CDH4: variants seen among roughly 807,000 people sequenced by gnomAD.
CDH4 encodes the protein cadherin 4.
In CDH4, 33 loss-of-function variants were observed where a neutral mutation model predicts 86.0. That is an observed-to-expected ratio of 0.38 (90% CI 0.29 to 0.51). The LOEUF is 0.51. CDH4 is among the 20% of genes least tolerant of loss of function. CDH4 has a pLI of 0.86. For missense variants in CDH4, 1,114 were observed against 1,307.4 expected, an observed-to-expected ratio of 0.85 and a Z score of 2.28; for synonymous variants, 555 against 549.4, an observed-to-expected ratio of 1.01 and a Z score of -0.14.
chr20:61,386,978 G>A (rs897600288), intron 2 of CDH4, among the ~76,000 whole-genome samples: 21 of 152,234 alleles, frequency 1.4e-4, no homozygotes, highest in African/African-American at 1.9e-4. Context: ...AGGAACTCCC[G>A]CGAGTTCTGT....
At chr20:61,308,305 C>T (rs1366020657) in intron 2 of CDH4, among the ~76,000 whole-genome samples, 6 of 152,182 alleles carry the variant, frequency 3.9e-5, no homozygotes, top group Admixed American at 3.9e-4. Context: ...AGTGCACATA[C>T]TTAACCAAAG....
chr20:61,884,020 C>T (rs991227012), intron 7 of CDH4, among the ~76,000 whole-genome samples: 13 of 152,132 alleles, frequency 8.5e-5, no homozygotes, highest in African/African-American at 2.2e-4. Flanking sequence ...AACAGCAGGC[C>T]GAGGGAGGAA....
intron 2 of CDH4, among the ~76,000 whole-genome samples, chr20:61,616,318 C>G (rs1162506173): frequency 6.6e-6 from 1 of 152,220 alleles, no homozygotes; most frequent in Admixed American, 6.5e-5. Context: ...AGGTGCCCAT[C>G]AGGGTTCTCA....
chr20:61,386,699 T>G (rs1284149085), intron 2 of CDH4, among the ~76,000 whole-genome samples: 1 of 152,220 alleles, frequency 6.6e-6, no homozygotes, highest in Non-Finnish European at 1.5e-5. Context: ...ATCGGATTGT[T>G]TCAGGGTTAA....
At chr20:61,533,391 T>C (rs1300887398) in intron 2 of CDH4, among the ~76,000 whole-genome samples, 1 of 152,204 alleles carries the variant, frequency 6.6e-6, no homozygotes, top group Non-Finnish European at 1.5e-5. Context: ...AACCCGCTGA[T>C]GTAAAGCTGC....
intron 2 of CDH4, among the ~76,000 whole-genome samples, chr20:61,464,893 A>T (rs1196069747): frequency 6.6e-6 from 1 of 152,216 alleles, no homozygotes; most frequent in Non-Finnish European, 1.5e-5. Flanking sequence ...CAAAACTGAG[A>T]GCCCAGTGAG....
chr20:61,662,969 C>G (rs563725000), intron 2 of CDH4, among the ~76,000 whole-genome samples: 1 of 152,152 alleles, frequency 6.6e-6, no homozygotes, highest in African/African-American at 2.4e-5. Flanking sequence ...CTCTGCCTGT[C>G]CCTCAGGGCC....
At chr20:61,367,066 G>C (rs2084814278) in intron 2 of CDH4, among the ~76,000 whole-genome samples, 1 of 152,140 alleles carries the variant, frequency 6.6e-6, no homozygotes, top group Non-Finnish European at 1.5e-5. Context: ...GCCATGCCGG[G>C]ACTACTCACT....
chr20:61,898,998 G>A lies in CDH4; in HGVS notation c.1188+3951G>A, dbSNP rs1985257516. Among the ~76,000 whole-genome samples, 4 of 152,176 alleles carry A rather than the reference G, an allele frequency of 2.6e-5. No individual in the cohort carries two copies. In the South Asian group the frequency reaches 8.3e-4, roughly 31 times the overall value. On this transcript the variant is annotated intron_variant, in intron 8 of 15. Coordinates refer to ENST00000614565, the MANE Select transcript of CDH4 (RefSeq NM_001794.5). ...CCTTCTCAGCCCAGTTTCCCCAGCT[G>A]TTAAAAGAAGAGGGAGGGCCGGGCG...
At chr20:61,472,131 G>A (rs2085507429) in intron 2 of CDH4, among the ~76,000 whole-genome samples, 1 of 151,888 alleles carries the variant, frequency 6.6e-6, no homozygotes, top group Non-Finnish European at 1.5e-5. Context: ...TTGTATTGAG[G>A]TCTCTCTCTC....
intron 2 of CDH4, among the ~76,000 whole-genome samples, chr20:61,509,889 G>T (rs2085767392): frequency 6.6e-6 from 1 of 152,076 alleles, no homozygotes; most frequent in African/African-American, 2.4e-5. Context: ...GGCATCTCAG[G>T]ATGTAATGGA....
rs191888678 is a variant in CDH4, at chr20:61,704,243, C to T, written c.170-39320C>T. ...TCTCAAGGTGCTGCGAGGAAGGCATCAGCTCACAGGAAACCCAGCTCCTTC... is the reference window on the plus strand; with the variant it reads ...TCTCAAGGTGCTGCGAGGAAGGCATTAGCTCACAGGAAACCCAGCTCCTTC... On this transcript the variant is annotated intron_variant, in intron 2 of 15. Coordinates refer to ENST00000614565, the MANE Select transcript of CDH4 (RefSeq NM_001794.5). 2.1e-4 allele frequency among the ~76,000 whole-genome samples: 32 copies of T among 152,174 alleles called. 1 individual carries two copies. The highest frequency in any genetic ancestry group is 2.4e-4 in the Non-Finnish European group (16 of 68,008).
chr20:61,665,396 T>C (rs575148219), intron 2 of CDH4, among the ~76,000 whole-genome samples: 1 of 152,366 alleles, frequency 6.6e-6, no homozygotes, highest in African/African-American at 2.4e-5. Context: ...TAAGCGATGC[T>C]AAAAACAAAA....
intron 4 of CDH4, among the ~76,000 whole-genome samples, chr20:61,783,241 C>A (rs181504314): frequency 1.3e-5 from 2 of 152,276 alleles, no homozygotes; most frequent in Non-Finnish European, 2.9e-5. Context: ...AATTCATTAC[C>A]CAACATTCTA....
chr20:61,845,162 G>A (rs35356150), intron 5 of CDH4, among the ~76,000 whole-genome samples: 68,413 of 152,140 alleles, frequency 0.45, 17,302 homozygotes, highest in Non-Finnish European at 0.58. Context: ...CTGCGGGGCT[G>A]GGAGTCAGGG....
intron 2 of CDH4, among the ~76,000 whole-genome samples, chr20:61,665,074 C>T (rs929461811): frequency 1.1e-4 from 17 of 152,228 alleles, no homozygotes; most frequent in Non-Finnish European, 1.8e-4. Flanking sequence ...GTCGCTGGCA[C>T]GGGTGGCTCC....
intron 2 of CDH4, among the ~76,000 whole-genome samples, chr20:61,405,408 T>G (rs1274787882): frequency 6.6e-6 from 1 of 152,030 alleles, no homozygotes; most frequent in Non-Finnish European, 1.5e-5. Context: ...CTTTATGATT[T>G]TAGGGGCTGT....
intron 2 of CDH4, among the ~76,000 whole-genome samples, chr20:61,285,081 TTTTG>T (rs111577695): frequency 2.4e-4 from 36 of 149,350 alleles, no homozygotes; most frequent in African/African-American, 7.8e-4. Flanking sequence ...TGTTTTTTTT[TTTTG>T]TTTGTTTGTT....
intron 4 of CDH4, among the ~76,000 whole-genome samples, chr20:61,783,680 C>T (rs1281459471): frequency 2.2e-4 from 30 of 138,340 alleles, no homozygotes; most frequent in African/African-American, 7.8e-4. Context: ...TGTCTTGTGC[C>T]CCCAAGAGAA....
Sources: gnomAD v4.1 joint callset for allele counts (sites outside exome capture counted in the v4.1 genomes callset) on GRCh38, gnomAD v4.1.1 for gene constraint, MANE v1.5 for transcripts, NCBI Gene and HGNC (gene_info 2026-07-23, HGNC 2026-07-21) for gene names.